Variants in SLC24A2 observed in about 807,000 individuals in gnomAD.
SLC24A2 encodes sodium/potassium/calcium exchanger 2.
SLC24A2 carries 36 observed loss-of-function variants against 62.0 expected under a neutral mutation model. The observed-to-expected ratio is 0.58, with a 90% CI of 0.44 to 0.77. SLC24A2 has a LOEUF of 0.77. SLC24A2 is among the 30% of genes least tolerant of loss of function. SLC24A2 has a pLI of 0.00. For synonymous variants in SLC24A2, 358 were observed against 294.0 expected (o/e 1.22, Z -2.23); for missense variants, 846 against 817.9 (o/e 1.03, Z -0.42).
chr9:19,683,193 C>G (rs538172720), intron 2 of SLC24A2, among the ~76,000 whole-genome samples: 1 of 152,146 alleles, frequency 6.6e-6, no homozygotes, highest in Admixed American at 6.5e-5. Flanking sequence ...GCTGTAAGTG[C>G]GGCGAGGTAA....
At chr9:20,060,371 T>A in the SLC24A2 span, among the ~76,000 whole-genome samples, 3 of 152,012 alleles carry the variant, frequency 2.0e-5, no homozygotes, top group Non-Finnish European at 2.9e-5. Flanking sequence ...TAGTTCAATA[T>A]TCCTCATAAA....
At chr9:19,857,295 A>G in the SLC24A2 span, among the ~76,000 whole-genome samples, 2 of 152,184 alleles carry the variant, frequency 1.3e-5, no homozygotes, top group Admixed American at 6.5e-5. Context: ...TTTCTCTTCT[A>G]AGGACCCTGT....
chr9:20,081,323 T>A, the SLC24A2 span, among the ~76,000 whole-genome samples: 17 of 151,840 alleles, frequency 1.1e-4, 1 homozygote, highest in Non-Finnish European at 2.1e-4. Context: ...TTCATGTCCT[T>A]TGTAGGGACA....
chr9:20,173,046 G>A, the SLC24A2 span, among the ~76,000 whole-genome samples: 2 of 152,030 alleles, frequency 1.3e-5, no homozygotes, highest in Non-Finnish European at 2.9e-5. Context: ...GACAATAAAT[G>A]TGATACACCA....
intron 7 of SLC24A2, among the ~76,000 whole-genome samples, chr9:19,560,916 TAGAGAGAGAGAGAG>T (rs139732950): frequency 1.0e-3 from 119 of 119,448 alleles, no homozygotes; most frequent in South Asian, 9.9e-3. Context: ...TATATATATA[TAGAGAGAGAGAGAG>T]AGAGAGAGAG....
At chr9:19,782,071 T>A (rs1216035586) in intron 2 of SLC24A2, among the ~76,000 whole-genome samples, 2 of 152,196 alleles carry the variant, frequency 1.3e-5, no homozygotes, top group African/African-American at 4.8e-5. Flanking sequence ...GCTTTAAGCA[T>A]CTTTATTTAG....
the SLC24A2 span, among the ~76,000 whole-genome samples, chr9:19,899,075 A>G: frequency 6.6e-6 from 1 of 152,144 alleles, no homozygotes; most frequent in Non-Finnish European, 1.5e-5. Context: ...CATTCCCAGA[A>G]ACCAGAGTCC....
the SLC24A2 span, among the ~76,000 whole-genome samples, chr9:19,914,856 G>T: frequency 3.9e-5 from 6 of 152,072 alleles, no homozygotes; most frequent in South Asian, 1.2e-3. Flanking sequence ...CCAGAATCTG[G>T]CCACATAAAA....
the SLC24A2 span, among the ~76,000 whole-genome samples, chr9:20,091,773 C>A: frequency 6.6e-6 from 1 of 152,034 alleles, no homozygotes; most frequent in African/African-American, 2.4e-5. Context: ...AGTTCACAGA[C>A]CAGTGACATT....
At chr9:20,141,928 C>T in the SLC24A2 span, among the ~76,000 whole-genome samples, 14 of 152,090 alleles carry the variant, frequency 9.2e-5, no homozygotes, top group East Asian at 7.7e-4. Context: ...ACTCAAAACA[C>T]GAAAATTAGC....
intron 7 of SLC24A2, among the ~76,000 whole-genome samples, chr9:19,562,017 G>T (rs1448344212): frequency 6.6e-6 from 1 of 152,172 alleles, no homozygotes; most frequent in Non-Finnish European, 1.5e-5. Context: ...AAACCATTCT[G>T]TAATCCTGCA....
At chr9:19,565,722 A>G (rs943653862) in intron 7 of SLC24A2, among the ~76,000 whole-genome samples, 10 of 152,210 alleles carry the variant, frequency 6.6e-5, no homozygotes, top group African/African-American at 2.2e-4. Flanking sequence ...CTATACTACA[A>G]GGCTACAGTA....
At chr9:19,947,804 A>AT in the SLC24A2 span, among the ~76,000 whole-genome samples, 1 of 21,656 alleles carries the variant, frequency 4.6e-5, no homozygotes, top group African/African-American at 1.3e-4. Flanking sequence ...AAAAAAAAAA[A>AT]AAAAAAAGAA....
chr9:19,637,406 G>A (rs777412346), intron 2 of SLC24A2, among the ~76,000 whole-genome samples: 1 of 152,176 alleles, frequency 6.6e-6, no homozygotes, highest in Non-Finnish European at 1.5e-5. Context: ...ACTGTTGCCC[G>A]ACTGTGTTTG....
At chr9:20,271,249 T>C in the SLC24A2 span, among the ~76,000 whole-genome samples, 3 of 152,206 alleles carry the variant, frequency 2.0e-5, no homozygotes, top group Non-Finnish European at 4.4e-5. Context: ...GCTTTGTAGA[T>C]CATTAAACTG....
chr9:19,879,340 T>C, the SLC24A2 span, among the ~76,000 whole-genome samples: 1 of 152,172 alleles, frequency 6.6e-6, no homozygotes, highest in African/African-American at 2.4e-5. Context: ...ATTTTATAGC[T>C]GAGTGCTGTA....
the SLC24A2 span, among the ~76,000 whole-genome samples, chr9:19,875,056 A>G: frequency 5.3e-5 from 8 of 151,510 alleles, no homozygotes; most frequent in East Asian, 9.7e-4. Flanking sequence ...TTTGTTTTTA[A>G]CTAGCATTCA....
At chr9:19,880,168 G>A in the SLC24A2 span, among the ~76,000 whole-genome samples, 1 of 152,088 alleles carries the variant, frequency 6.6e-6, no homozygotes, top group Non-Finnish European at 1.5e-5. Context: ...AGAATTTATG[G>A]CAATGTTGTG....
In SLC24A2 at chr9:19,510,662, C is replaced by T. The variant is rs1362012441; in HGVS notation, c.*5491G>A. The T allele has an allele frequency of 6.6e-6, 1 of 152,188 alleles. No individual in the cohort carries two copies. The highest frequency in any genetic ancestry group is 1.5e-5 in the Non-Finnish European group (1 of 68,028). 9.4% of individuals were successfully genotyped at this position (152,188 alleles called of 1,614,324 possible). On this transcript the variant is annotated 3_prime_UTR_variant, in exon 11 of 11. Transcript: ENST00000341998. ...TCTTTGGTGGAAGCCTAGGCAAACT[C>T]CATGGCATTCTTTCAGACTTAGATA...
Sources: gnomAD v4.1 joint callset for allele counts (sites outside exome capture counted in the v4.1 genomes callset) on GRCh38, gnomAD v4.1.1 for gene constraint, MANE v1.5 for transcripts, NCBI Gene and HGNC (gene_info 2026-07-23, HGNC 2026-07-21) for gene names.